Variants in PIP4K2A observed in about 807,000 individuals in gnomAD.
PIP4K2A encodes the protein phosphatidylinositol-5-phosphate 4-kinase type 2 alpha, also known as phosphatidylinositol 5-phosphate 4-kinase type-2 alpha.
Under a neutral mutation model 42.9 loss-of-function variants are expected in PIP4K2A, and 14 were observed. The observed-to-expected ratio is 0.33, with a 90% CI of 0.22 to 0.51. PIP4K2A has a LOEUF of 0.51. Ranked by LOEUF, PIP4K2A falls within the 20% of genes least tolerant of loss-of-function variation. The pLI is 0.97. For missense variants in PIP4K2A, 434 were observed against 519.8 expected (o/e 0.83, Z 1.61); for synonymous variants, 192 against 192.2 (o/e 1.00, Z 0.01).
intron 1 of PIP4K2A, among the ~76,000 whole-genome samples, chr10:22,712,942 C>G (rs7092875): frequency 0.14 from 19,235 of 138,380 alleles, 2,341 homozygotes; most frequent in African/African-American, 0.36. Context: ...GTGTGTGTGT[C>G]TGTGTGTGTG....
intron 1 of PIP4K2A, among the ~76,000 whole-genome samples, chr10:22,638,559 A>C (rs1750772): frequency 0.11 from 16,561 of 152,192 alleles, 1,833 homozygotes; most frequent in African/African-American, 0.29. Context: ...TTTACTCTTT[A>C]TTCTTTTTCC....
chr10:22,551,295 C>T (rs551175940), intron 6 of PIP4K2A, among the ~76,000 whole-genome samples: 52 of 152,258 alleles, frequency 3.4e-4, no homozygotes, highest in African/African-American at 1.2e-3. Context: ...ACATGCAGCA[C>T]GAGGTTAGCC....
intron 3 of PIP4K2A, among the ~76,000 whole-genome samples, chr10:22,602,957 T>C (rs1381617993): frequency 6.6e-6 from 1 of 152,154 alleles, no homozygotes; most frequent in Non-Finnish European, 1.5e-5. Flanking sequence ...AAGTCAAAAG[T>C]GAGAAATCTA....
chr10:22,670,861 G>T (rs971607954), intron 1 of PIP4K2A, among the ~76,000 whole-genome samples: 2 of 152,124 alleles, frequency 1.3e-5, no homozygotes, highest in African/African-American at 2.4e-5. Flanking sequence ...AACGGCAAAT[G>T]TAAGTGTGAC....
chr10:22,574,180 A>G (rs542614412), intron 4 of PIP4K2A, among the ~76,000 whole-genome samples: 1 of 58,358 alleles, frequency 1.7e-5, no homozygotes, highest in South Asian at 7.6e-4. Context: ...TCTCCCTGAG[A>G]GCAGATTTTC....
At chr10:22,598,513 A>C (rs1320679450) in intron 3 of PIP4K2A, among the ~76,000 whole-genome samples, 3 of 152,214 alleles carry the variant, frequency 2.0e-5, no homozygotes, top group African/African-American at 7.2e-5. Context: ...CCCAGCCCAC[A>C]AGGTCTTCCT....
At chr10:22,579,161 A>G (rs1409513657) in intron 4 of PIP4K2A, among the ~76,000 whole-genome samples, 1 of 152,142 alleles carries the variant, frequency 6.6e-6, no homozygotes, top group Non-Finnish European at 1.5e-5. Flanking sequence ...AAAAAAAACA[A>G]GGCAGTCACA....
chr10:22,701,589 T>C (rs1361128690), intron 1 of PIP4K2A, among the ~76,000 whole-genome samples: 2 of 152,176 alleles, frequency 1.3e-5, no homozygotes, highest in African/African-American at 2.4e-5. Context: ...AGTGCCACCA[T>C]GCTTTGGCTT....
chr10:22,703,829 G>C (rs115821301), intron 1 of PIP4K2A, among the ~76,000 whole-genome samples: 5 of 152,106 alleles, frequency 3.3e-5, no homozygotes, highest in Non-Finnish European at 5.9e-5. Flanking sequence ...ATGTGGATTC[G>C]GGACTCAAAA....
intron 6 of PIP4K2A, among the ~76,000 whole-genome samples, chr10:22,564,740 A>G (rs1836798347): frequency 6.6e-6 from 1 of 152,228 alleles, no homozygotes; most frequent in Admixed American, 6.5e-5. Context: ...ACTGATGTAC[A>G]GTAAAAGGGC....
At chr10:22,694,913 C>G (rs1328912172) in intron 1 of PIP4K2A, among the ~76,000 whole-genome samples, 1 of 152,052 alleles carries the variant, frequency 6.6e-6, no homozygotes, top group Non-Finnish European at 1.5e-5. Context: ...GGAAATTTAC[C>G]AGAAAAATTT....
At chr10:22,700,780 A>G (rs574871596) in intron 1 of PIP4K2A, among the ~76,000 whole-genome samples, 1 of 152,350 alleles carries the variant, frequency 6.6e-6, no homozygotes, top group African/African-American at 2.4e-5. Context: ...AGCAAGGCTT[A>G]TTTATTACAA....
intron 1 of PIP4K2A, among the ~76,000 whole-genome samples, chr10:22,662,982 A>G (rs187419301): frequency 1.3e-5 from 2 of 152,356 alleles, no homozygotes; most frequent in Admixed American, 1.3e-4. Context: ...GGTGAGGAGA[A>G]AGAGGAGGCA....
chr10:22,669,307 G>A (rs1015410423), intron 1 of PIP4K2A, among the ~76,000 whole-genome samples: 3 of 152,116 alleles, frequency 2.0e-5, no homozygotes, highest in African/African-American at 7.2e-5. Flanking sequence ...TATACACGAC[G>A]GTGGTGCCAT....
intron 1 of PIP4K2A, among the ~76,000 whole-genome samples, chr10:22,630,717 A>G (rs1365908821): frequency 1.3e-5 from 2 of 152,234 alleles, no homozygotes. Flanking sequence ...CAAAAACTTG[A>G]GCAACAGCAG....
chr10:22,697,652 A>G (rs1362757560), intron 1 of PIP4K2A, among the ~76,000 whole-genome samples: 1 of 152,144 alleles, frequency 6.6e-6, no homozygotes, highest in Non-Finnish European at 1.5e-5. Context: ...CTTGTACCCA[A>G]GAATTCGAGG....
chr10:22,700,980 G>A (rs1480588256), intron 1 of PIP4K2A, among the ~76,000 whole-genome samples: 1 of 152,134 alleles, frequency 6.6e-6, no homozygotes, highest in African/African-American at 2.4e-5. Context: ...AGAAGGGTTT[G>A]GCAGTTCCCT....
chr10:22,619,250 T>G (rs1838256123), intron 1 of PIP4K2A, among the ~76,000 whole-genome samples: 1 of 152,098 alleles, frequency 6.6e-6, no homozygotes, highest in East Asian at 1.9e-4. Flanking sequence ...CAACCTACCC[T>G]GCAAACCAAA....
At chr10:22,689,984 A>AG (rs1272936512) in intron 1 of PIP4K2A, among the ~76,000 whole-genome samples, 3 of 151,374 alleles carry the variant, frequency 2.0e-5, no homozygotes, top group Non-Finnish European at 1.5e-5. Context: ...TGAGCCCTGC[A>AG]GGGGGAAAAA....
Sources: gnomAD v4.1 joint callset for allele counts (sites outside exome capture counted in the v4.1 genomes callset) on GRCh38, gnomAD v4.1.1 for gene constraint, MANE v1.5 for transcripts, NCBI Gene and HGNC (gene_info 2026-07-23, HGNC 2026-07-21) for gene names.